AUTS2: variants seen among roughly 807,000 people sequenced by gnomAD.
AUTS2 encodes activator of transcription and developmental regulator AUTS2.
Under a neutral mutation model 112.4 loss-of-function variants are expected in AUTS2, and 17 were observed. The observed-to-expected ratio is 0.15, with a 90% CI of 0.10 to 0.23. The LOEUF is 0.23. AUTS2 is among the 10% of genes least tolerant of loss of function. AUTS2 has a pLI of 1.00. For missense variants in AUTS2, 1,510 were observed against 1,701.6 expected (o/e 0.89, Z 1.98); for synonymous variants, 751 against 702.7 (o/e 1.07, Z -1.09).
chr7:69,782,995 A>G (rs922101252), intron 1 of AUTS2, among the ~76,000 whole-genome samples: 1 of 151,368 alleles, frequency 6.6e-6, no homozygotes, highest in Non-Finnish European at 1.5e-5. Context: ...ACCCAAATCC[A>G]TGGTCCACAT....
intron 1 of AUTS2, among the ~76,000 whole-genome samples, chr7:69,687,382 C>T (rs1392918139): frequency 2.0e-5 from 3 of 152,166 alleles, no homozygotes; most frequent in Admixed American, 2.0e-4. Flanking sequence ...AAGGTAGGCA[C>T]TTTGCATAAT....
intron 2 of AUTS2, among the ~76,000 whole-genome samples, chr7:70,026,715 A>G (rs1222996623): frequency 6.6e-6 from 1 of 152,184 alleles, no homozygotes. Context: ...TTTGAAGGAA[A>G]TAGACATTAA....
intron 5 of AUTS2, among the ~76,000 whole-genome samples, chr7:70,589,792 C>G (rs962616288): frequency 6.6e-4 from 100 of 152,254 alleles, no homozygotes; most frequent in African/African-American, 2.3e-3. Flanking sequence ...AGTTTCTTAA[C>G]TCATCACCCC....
chr7:70,102,172 G>A (rs1478994816), intron 2 of AUTS2, among the ~76,000 whole-genome samples: 1 of 145,570 alleles, frequency 6.9e-6, no homozygotes, highest in Non-Finnish European at 1.5e-5. Context: ...AGGCTGGAGT[G>A]CAGTGGCGTG....
At chr7:70,063,030 CTTGT>C (rs1335377485) in intron 2 of AUTS2, among the ~76,000 whole-genome samples, 2 of 152,222 alleles carry the variant, frequency 1.3e-5, no homozygotes, top group East Asian at 1.9e-4. Context: ...CCTTTTGTGC[CTTGT>C]TTGTGTATGA....
intron 1 of AUTS2, among the ~76,000 whole-genome samples, chr7:69,851,194 G>A (rs1053361685): frequency 6.6e-5 from 10 of 152,148 alleles, no homozygotes; most frequent in East Asian, 3.8e-4. Flanking sequence ...TATTCTGTCC[G>A]TTGATCTGCG....
intron 5 of AUTS2, among the ~76,000 whole-genome samples, chr7:70,678,198 G>A (rs570831639): frequency 6.6e-6 from 1 of 152,082 alleles, no homozygotes; most frequent in Non-Finnish European, 1.5e-5. Flanking sequence ...AACATGTTTT[G>A]TTCTTCTTTT....
chr7:69,901,385 T>C (rs761512749), intron 2 of AUTS2, among the ~76,000 whole-genome samples: 2 of 152,180 alleles, frequency 1.3e-5, no homozygotes, highest in African/African-American at 2.4e-5. Context: ...CTAGACGTGA[T>C]CTGACTTTTC....
At chr7:70,083,884 C>T (rs1803448694) in intron 2 of AUTS2, among the ~76,000 whole-genome samples, 1 of 152,098 alleles carries the variant, frequency 6.6e-6, no homozygotes, top group African/African-American at 2.4e-5. Context: ...GAGGTCAAGA[C>T]TGCAGTAAGC....
chr7:69,919,443 T>C (rs892640913), intron 2 of AUTS2, among the ~76,000 whole-genome samples: 1 of 152,212 alleles, frequency 6.6e-6, no homozygotes. Flanking sequence ...ATTCATTTGA[T>C]CACTTAAGAG....
intron 1 of AUTS2, among the ~76,000 whole-genome samples, chr7:69,780,818 C>G (rs1789114728): frequency 6.6e-6 from 1 of 152,172 alleles, no homozygotes; most frequent in South Asian, 2.1e-4. Context: ...ATTCCTGAGT[C>G]TTTTTGAAAG....
chr7:69,936,524 T>C (rs1442561281), intron 2 of AUTS2, among the ~76,000 whole-genome samples: 2 of 152,110 alleles, frequency 1.3e-5, no homozygotes, highest in Non-Finnish European at 1.5e-5. Context: ...TAATTTTTTG[T>C]ATTTTTGGTA....
chr7:70,212,806 T>C (rs1329104057), intron 4 of AUTS2, among the ~76,000 whole-genome samples: 1 of 152,228 alleles, frequency 6.6e-6, no homozygotes, highest in Non-Finnish European at 1.5e-5. Flanking sequence ...AATTCAGTAA[T>C]CTTGTATCTT....
chr7:70,185,257 C>CTT (rs35215443), intron 4 of AUTS2, among the ~76,000 whole-genome samples: 5,596 of 87,054 alleles, frequency 0.064, 425 homozygotes, highest in African/African-American at 0.084. Context: ...TGACATTAAA[C>CTT]TTTTTTTTTT....
chr7:70,174,688 A>G (rs1271248115), intron 4 of AUTS2, among the ~76,000 whole-genome samples: 1 of 152,232 alleles, frequency 6.6e-6, no homozygotes, highest in East Asian at 1.9e-4. Flanking sequence ...AATTATGCCA[A>G]ATCTGCCCTG....
intron 2 of AUTS2, among the ~76,000 whole-genome samples, chr7:69,908,175 A>G (rs1237753290): frequency 6.6e-6 from 1 of 151,854 alleles, no homozygotes; most frequent in Non-Finnish European, 1.5e-5. Context: ...CACTACTATC[A>G]CTCTTTGCTC....
chr7:70,398,174 A>G (rs1469243930), intron 4 of AUTS2, among the ~76,000 whole-genome samples: 1 of 152,234 alleles, frequency 6.6e-6, no homozygotes, highest in Non-Finnish European at 1.5e-5. Context: ...CTTTATGCCA[A>G]TACCACATCA....
At chr7:70,024,445 A>G (rs565581694) in intron 2 of AUTS2, among the ~76,000 whole-genome samples, 2 of 152,314 alleles carry the variant, frequency 1.3e-5, no homozygotes, top group Admixed American at 6.5e-5. Context: ...GACTATTTCC[A>G]TTAATTACGG....
In AUTS2 at chr7:69,914,007, G is replaced by A. The variant is rs17141001; in HGVS notation, c.522+14509G>A. ...GTCATCTTTCATAGGGGCTTTTCTC[G>A]ACCATATGGTTTATTTAACTCAGGA... On this transcript the variant is annotated intron_variant, in intron 2 of 18. Transcript: ENST00000342771. Among the ~76,000 whole-genome samples, 248 of 152,142 alleles carry A rather than the reference G, an allele frequency of 1.6e-3. 7 individuals are homozygous for A. In the East Asian group the frequency reaches 0.045, roughly 28 times the overall value.
Sources: gnomAD v4.1 joint callset for allele counts (sites outside exome capture counted in the v4.1 genomes callset) on GRCh38, gnomAD v4.1.1 for gene constraint, MANE v1.5 for transcripts, NCBI Gene and HGNC (gene_info 2026-07-23, HGNC 2026-07-21) for gene names.